Variants in LNX1 observed in about 807,000 individuals in gnomAD.
The protein encoded by LNX1 is E3 ubiquitin-protein ligase LNX.
Under a neutral mutation model 68.4 loss-of-function variants are expected in LNX1, and 54 were observed. That is an observed-to-expected ratio of 0.79 (90% CI 0.63 to 0.99). The LOEUF (loss-of-function observed/expected upper bound fraction) is 0.99, where lower values mean the gene tolerates loss of function less well. Ranked by LOEUF, LNX1 falls within the 50% of genes least tolerant of loss-of-function variation. LNX1 has a pLI of 0.00. For synonymous variants in LNX1, 336 were observed against 350.0 expected (o/e 0.96, Z 0.45); for missense variants, 906 against 926.4 (o/e 0.98, Z 0.29).
At position 53,590,922 on chromosome 4, in the gene LNX1, GA is replaced by G. The variant is rs1280185920; in HGVS notation, c.-87+465del. Among the ~76,000 whole-genome samples, 36 of 150,758 alleles carry G rather than the reference GA, an allele frequency of 2.4e-4. 1 individual carries two copies. Among genetic ancestry groups the G allele is most frequent in the Admixed American group, 1.8e-3 (27 of 15,206 alleles). On this transcript the variant is annotated intron_variant, in intron 1 of 10. Coordinates refer to ENST00000263925, the MANE Select transcript of LNX1 (RefSeq NM_001126328.3). ...TGAGGAACAGGTTTTCAGGGGGAAA[GA>G]AAAAAAAACTAGGGACACTTCACAG...
intron 2 of LNX1, among the ~76,000 whole-genome samples, chr4:53,559,669 T>C (rs1405721586): frequency 1.3e-5 from 2 of 152,114 alleles, no homozygotes; most frequent in African/African-American, 4.8e-5. Flanking sequence ...TTTTCAGAGA[T>C]GGGGGTCTTG....
chr4:53,595,852 T>C (rs2109828122), upstream of LNX1, among the ~76,000 whole-genome samples: 1 of 152,220 alleles, frequency 6.6e-6, no homozygotes, highest in East Asian at 1.9e-4. Flanking sequence ...AGAATTACTT[T>C]GCCCATTTTG....
At chr4:53,598,040 G>A (rs1199525944) in intron 2 of LNX1, among the ~76,000 whole-genome samples, 1 of 152,172 alleles carries the variant, frequency 6.6e-6, no homozygotes, top group Non-Finnish European at 1.5e-5. Context: ...GCGAGGTAAA[G>A]TAACTTGTCC....
chr4:53,577,460 C>G (rs980110468), intron 1 of LNX1, among the ~76,000 whole-genome samples: 2 of 152,116 alleles, frequency 1.3e-5, no homozygotes, highest in African/African-American at 4.8e-5. Context: ...GGCATTGGAC[C>G]AGATTTTCGT....
intron 1 of LNX1, among the ~76,000 whole-genome samples, chr4:53,638,611 T>C (rs991743489): frequency 6.6e-6 from 1 of 152,194 alleles, no homozygotes; most frequent in African/African-American, 2.4e-5. Context: ...TTTTGTGCTC[T>C]TCATTGGTGA....
intron 2 of LNX1, among the ~76,000 whole-genome samples, chr4:53,551,426 A>G (rs755870976): frequency 2.0e-5 from 3 of 152,180 alleles, no homozygotes; most frequent in Non-Finnish European, 4.4e-5. Context: ...TCCTAGTAAG[A>G]TCTCAGGAGT....
intron 9 of LNX1, among the ~76,000 whole-genome samples, chr4:53,466,682 G>A (rs1265872855): frequency 6.6e-6 from 1 of 152,226 alleles, no homozygotes; most frequent in African/African-American, 2.4e-5. Flanking sequence ...AGCACACCAG[G>A]AGATTATATC....
At chr4:53,539,640 G>A (rs1728615340) in intron 2 of LNX1, among the ~76,000 whole-genome samples, 1 of 152,248 alleles carries the variant, frequency 6.6e-6, no homozygotes, top group Non-Finnish European at 1.5e-5. Flanking sequence ...TGATTCATAT[G>A]AATATTCAGT....
chr4:53,506,856 TAAA>T (rs59260730), intron 4 of LNX1, among the ~76,000 whole-genome samples: 10 of 54,202 alleles, frequency 1.8e-4, no homozygotes, highest in Admixed American at 8.6e-4. Context: ...AAACTCTGTC[TAAA>T]AAAAAAAAAA....
intron 2 of LNX1, among the ~76,000 whole-genome samples, chr4:53,528,776 C>T (rs952194515): frequency 6.6e-6 from 1 of 152,056 alleles, no homozygotes; most frequent in African/African-American, 2.4e-5. Context: ...CCTACCCTGG[C>T]ACCATCTCCC....
At chr4:53,568,601 C>T (rs1213705539) in intron 2 of LNX1, among the ~76,000 whole-genome samples, 1 of 151,512 alleles carries the variant, frequency 6.6e-6, no homozygotes, top group African/African-American at 2.4e-5. Context: ...CAGGGGGGCA[C>T]AAGACAGGGA....
intron 6 of LNX1, among the ~76,000 whole-genome samples, 186 bp downstream of exon 6, chr4:53,495,837 C>T (rs1470942262): frequency 6.6e-6 from 1 of 152,182 alleles, no homozygotes; most frequent in Non-Finnish European, 1.5e-5. Flanking sequence ...GGCCACCACG[C>T]CCAGCCGAGT....
chr4:53,526,963 A>G (rs145074923), intron 2 of LNX1, among the ~76,000 whole-genome samples: 1 of 152,078 alleles, frequency 6.6e-6, no homozygotes, highest in East Asian at 1.9e-4. Context: ...AAAGCAATAG[A>G]AATGAAACAC....
chr4:53,643,467 T>G (rs1327475941), intron 1 of LNX1, among the ~76,000 whole-genome samples: 3 of 152,084 alleles, frequency 2.0e-5, no homozygotes, highest in South Asian at 4.1e-4. Flanking sequence ...TTGGTCTTTA[T>G]GATCTAATCA....
At chr4:53,514,160 TTCTG>T (rs1298513603) in intron 2 of LNX1, among the ~76,000 whole-genome samples, 1 of 152,220 alleles carries the variant, frequency 6.6e-6, no homozygotes, top group Non-Finnish European at 1.5e-5. Context: ...CCTGCTTATT[TTCTG>T]TCTATGGAAT....
upstream of LNX1, among the ~76,000 whole-genome samples, chr4:53,618,287 G>A (rs1199423443): frequency 6.6e-6 from 1 of 152,138 alleles, no homozygotes; most frequent in Non-Finnish European, 1.5e-5. Flanking sequence ...TGAGCCTTGG[G>A]AAAAGAGTAT....
chr4:53,491,859 G>A (rs1251336976), intron 6 of LNX1, among the ~76,000 whole-genome samples: 3 of 147,206 alleles, frequency 2.0e-5, no homozygotes, highest in African/African-American at 5.0e-5. Context: ...GTACAATGGC[G>A]CGATCTTGGC....
intron 1 of LNX1, among the ~76,000 whole-genome samples, chr4:53,631,854 C>G (rs1734286632): frequency 6.6e-6 from 1 of 151,762 alleles, no homozygotes; most frequent in Non-Finnish European, 1.5e-5. Context: ...GGAGGTGGAG[C>G]CTGAGCCTTT....
In LNX1 at chr4:53,460,618, G is replaced by T; in HGVS notation, c.*289C>A. ...TTTAAATCAGCTTGAATTCAGTGGG[G>T]TATACAAATCATTTTAGTTGTTTTA... On this transcript the variant is annotated 3_prime_UTR_variant, in exon 11 of 11. Coordinates refer to ENST00000263925, the MANE Select transcript of LNX1 (RefSeq NM_001126328.3). 3.3e-6 allele frequency: 1 copy of T among 304,640 alleles called. No homozygotes were observed. The highest frequency in any genetic ancestry group is 5.8e-6 in the Non-Finnish European group (1 of 171,726). The allele number at this position is 304,640 out of a possible 1,614,324, so 18.9% of individuals were successfully genotyped here. A position where few individuals can be genotyped will look rare whatever the true frequency, so the allele number is the denominator to read the frequency against.
Sources: gnomAD v4.1 joint callset for allele counts (sites outside exome capture counted in the v4.1 genomes callset) on GRCh38, gnomAD v4.1.1 for gene constraint, MANE v1.5 for transcripts, NCBI Gene and HGNC (gene_info 2026-07-23, HGNC 2026-07-21) for gene names.